The following CNTNAP5 variants were observed in gnomAD, a reference collection of about 807,000 sequenced individuals.
CNTNAP5 encodes contactin associated protein family member 5, also known as contactin-associated protein-like 5.
A neutral mutation model predicts 150.2 loss-of-function variants in CNTNAP5; 72 were observed. That is an observed-to-expected ratio of 0.48 (90% CI 0.40 to 0.58). The LOEUF (loss-of-function observed/expected upper bound fraction) is 0.58, where lower values mean the gene tolerates loss of function less well. CNTNAP5 is among the 20% of genes least tolerant of loss of function. The probability of loss-of-function intolerance (pLI) is 0.00; values close to 1 mark genes in which losing one functional copy is unlikely to be tolerated. For missense variants in CNTNAP5, 1,636 were observed against 1,626.2 expected, an observed-to-expected ratio of 1.01 and a Z score of -0.10; for synonymous variants, 672 against 619.8, an observed-to-expected ratio of 1.08 and a Z score of -1.25.
intron 3 of CNTNAP5, among the ~76,000 whole-genome samples, chr2:124,259,370 C>G (rs1409130964): frequency 6.6e-6 from 1 of 152,092 alleles, no homozygotes; most frequent in Non-Finnish European, 1.5e-5. Flanking sequence ...TGGGTATATA[C>G]CCAGTAATGG....
At chr2:124,153,270 A>G (rs1005664529) in intron 1 of CNTNAP5, among the ~76,000 whole-genome samples, 1 of 152,230 alleles carries the variant, frequency 6.6e-6, no homozygotes, top group African/African-American at 2.4e-5. Context: ...AATGATGCTT[A>G]ATAAATATTT....
intron 1 of CNTNAP5, among the ~76,000 whole-genome samples, chr2:124,101,618 A>G (rs534649501): frequency 1.1e-4 from 17 of 152,356 alleles, no homozygotes; most frequent in African/African-American, 3.8e-4. Flanking sequence ...AGTAAAGAGC[A>G]AGTTCAGATA....
At chr2:124,333,975 C>T (rs752161251) in intron 3 of CNTNAP5, among the ~76,000 whole-genome samples, 1 of 152,058 alleles carries the variant, frequency 6.6e-6, no homozygotes, top group Non-Finnish European at 1.5e-5. Context: ...ACCCAAAGGT[C>T]GAGTGTCCTC....
intron 1 of CNTNAP5, among the ~76,000 whole-genome samples, chr2:124,049,128 T>A (rs2104640690): frequency 6.6e-6 from 1 of 152,296 alleles, no homozygotes; most frequent in African/African-American, 2.4e-5. Context: ...TTTCAGGGCT[T>A]TTTGCTTTAT....
chr2:124,398,417 G>A (rs534528600), intron 3 of CNTNAP5, among the ~76,000 whole-genome samples: 18 of 152,280 alleles, frequency 1.2e-4, no homozygotes, highest in East Asian at 5.8e-4. Context: ...ACGGAAAGGA[G>A]AGAAAAAGCA....
intron 3 of CNTNAP5, among the ~76,000 whole-genome samples, chr2:124,260,297 G>A (rs1489395949): frequency 6.6e-6 from 1 of 152,154 alleles, no homozygotes; most frequent in Non-Finnish European, 1.5e-5. Flanking sequence ...ATGGTGCTGG[G>A]AAAACTGACT....
chr2:124,667,696 A>G (rs1294281459), intron 13 of CNTNAP5, among the ~76,000 whole-genome samples: 1 of 152,214 alleles, frequency 6.6e-6, no homozygotes, highest in African/African-American at 2.4e-5. Context: ...AACACTCCCT[A>G]TGTCTTCATT....
intron 13 of CNTNAP5, among the ~76,000 whole-genome samples, chr2:124,714,480 G>A (rs1040888410): frequency 6.6e-6 from 1 of 152,020 alleles, no homozygotes; most frequent in Non-Finnish European, 1.5e-5. Flanking sequence ...GTTTTTAGGT[G>A]AGGTTCCATG....
chr2:124,614,793 C>T (rs1355705875), intron 12 of CNTNAP5, among the ~76,000 whole-genome samples: 1 of 152,006 alleles, frequency 6.6e-6, no homozygotes, highest in Non-Finnish European at 1.5e-5. Context: ...CTTGTGCCAC[C>T]CTCCTATCAC....
intron 3 of CNTNAP5, among the ~76,000 whole-genome samples, chr2:124,244,751 T>C (rs778086519): frequency 2.0e-5 from 3 of 152,084 alleles, no homozygotes; most frequent in Non-Finnish European, 4.4e-5. Context: ...AAAATAGGTG[T>C]CCCCTTAATT....
At chr2:124,477,525 C>G (rs2104836314) in intron 7 of CNTNAP5, among the ~76,000 whole-genome samples, 1 of 152,186 alleles carries the variant, frequency 6.6e-6, no homozygotes, top group South Asian at 2.1e-4. Context: ...ACCTCACTGG[C>G]TCTAGAAAAG....
chr2:124,765,132 A>G (rs1681042696), intron 16 of CNTNAP5, among the ~76,000 whole-genome samples: 1 of 152,188 alleles, frequency 6.6e-6, no homozygotes, highest in South Asian at 2.1e-4. Context: ...AAAAATTCAT[A>G]AAAATTTCAT....
chr2:124,675,884 GA>G (rs1678929622), intron 13 of CNTNAP5, among the ~76,000 whole-genome samples: 1 of 151,582 alleles, frequency 6.6e-6, no homozygotes, highest in Non-Finnish European at 1.5e-5. Context: ...AGTTTTTGTT[GA>G]CTTTTGTTCT....
At chr2:124,298,228 A>G (rs1688488817) in intron 3 of CNTNAP5, among the ~76,000 whole-genome samples, 1 of 151,972 alleles carries the variant, frequency 6.6e-6, no homozygotes, top group Non-Finnish European at 1.5e-5. Flanking sequence ...TGTGTCATGG[A>G]GGTTTGTTAT....
intron 16 of CNTNAP5, among the ~76,000 whole-genome samples, chr2:124,770,021 C>G (rs1336905749): frequency 2.6e-5 from 4 of 152,082 alleles, no homozygotes; most frequent in Non-Finnish European, 5.9e-5. Flanking sequence ...TTTACTGATT[C>G]TAGGAGGTGC....
At chr2:124,478,612 C>T (rs529972655) in intron 7 of CNTNAP5, among the ~76,000 whole-genome samples, 2 of 152,038 alleles carry the variant, frequency 1.3e-5, no homozygotes, top group African/African-American at 2.4e-5. Flanking sequence ...TGTTAAATAC[C>T]GAAGTACAAA....
intron 1 of CNTNAP5, among the ~76,000 whole-genome samples, chr2:124,083,922 A>G (rs1682618694): frequency 6.6e-6 from 1 of 152,120 alleles, no homozygotes; most frequent in Non-Finnish European, 1.5e-5. Context: ...ATACAAAAAT[A>G]TCTTGCTGGG....
chr2:124,306,402 C>CT (rs774345256), intron 3 of CNTNAP5, among the ~76,000 whole-genome samples: 20 of 152,282 alleles, frequency 1.3e-4, no homozygotes, highest in Middle Eastern at 3.4e-3. Context: ...AGAAAGCAGT[C>CT]TTTCCCCCCC....
chr2:124,642,583 A>G (rs570906650), intron 12 of CNTNAP5, among the ~76,000 whole-genome samples: 4 of 152,292 alleles, frequency 2.6e-5, no homozygotes, highest in Admixed American at 2.6e-4. Context: ...AGGGCTCTCT[A>G]ATAACCTCTA....
Sources: gnomAD v4.1 joint callset for allele counts (sites outside exome capture counted in the v4.1 genomes callset) on GRCh38, gnomAD v4.1.1 for gene constraint, MANE v1.5 for transcripts, NCBI Gene and HGNC (gene_info 2026-07-23, HGNC 2026-07-21) for gene names.